Variants in TBC1D5 observed in about 807,000 individuals in gnomAD.
The protein encoded by TBC1D5 is TBC1 domain family member 5.
TBC1D5 carries 75 observed loss-of-function variants against 100.3 expected under a neutral mutation model. That is an observed-to-expected ratio of 0.75 (90% CI 0.62 to 0.91). The LOEUF is 0.91. TBC1D5 is among the 40% of genes least tolerant of loss of function. The probability of loss-of-function intolerance (pLI) is 0.00; values close to 1 mark genes in which losing one functional copy is unlikely to be tolerated. For missense variants in TBC1D5, 910 were observed against 942.4 expected (o/e 0.97, Z 0.45); for synonymous variants, 323 against 325.6 (o/e 0.99, Z 0.09).
intron 2 of TBC1D5, among the ~76,000 whole-genome samples, chr3:17,558,353 T>C (rs1448699766): frequency 6.6e-6 from 1 of 152,152 alleles, no homozygotes; most frequent in Non-Finnish European, 1.5e-5. Context: ...TTAATAGTAA[T>C]AATTGCCAAG....
chr3:17,526,521 A>C (rs1189161796), intron 2 of TBC1D5, among the ~76,000 whole-genome samples: 1 of 152,202 alleles, frequency 6.6e-6, no homozygotes, highest in African/African-American at 2.4e-5. Context: ...CTGGTGATTT[A>C]GTCAACATTA....
At chr3:17,462,206 G>A (rs776059714) in intron 3 of TBC1D5, among the ~76,000 whole-genome samples, 19 of 151,726 alleles carry the variant, frequency 1.3e-4, no homozygotes, top group Non-Finnish European at 2.5e-4. Flanking sequence ...TTTATTCATT[G>A]TTAAGGTCTG....
intron 2 of TBC1D5, among the ~76,000 whole-genome samples, chr3:17,566,529 T>C (rs991285420): frequency 6.6e-6 from 1 of 151,992 alleles, no homozygotes; most frequent in African/African-American, 2.4e-5. Flanking sequence ...TATAAAACAC[T>C]GATCATCAAT....
chr3:17,213,382 C>T (rs1018608145), intron 18 of TBC1D5, among the ~76,000 whole-genome samples: 13 of 152,110 alleles, frequency 8.5e-5, no homozygotes, highest in African/African-American at 1.9e-4. Flanking sequence ...TGTGGTTAAA[C>T]GTGAAGTTGG....
rs112006591 is a variant in TBC1D5, at chr3:17,313,366, C to T, written c.996-5232G>A. On this transcript the variant is annotated intron_variant, in intron 13 of 21. Transcript: ENST00000253692. ...ACGTTGGGAAAACGAATTTTAGGCT[C>T]CATGAAAACTGTTTTTTATTCATAC... Among the ~76,000 whole-genome samples the T allele has an allele frequency of 5.5e-3, 834 of 152,180 alleles. 3 individuals are homozygous for T. Among genetic ancestry groups the T allele is most frequent in the Middle Eastern group, 0.017 (5 of 294 alleles).
intron 4 of TBC1D5, among the ~76,000 whole-genome samples, chr3:17,420,353 A>T (rs1315441945): frequency 6.6e-6 from 1 of 152,146 alleles, no homozygotes; most frequent in African/African-American, 2.4e-5. Context: ...AAAATAGGCA[A>T]ATGTTAAATA....
intron 16 of TBC1D5, among the ~76,000 whole-genome samples, chr3:17,242,207 A>C (rs148721549): frequency 9.7e-4 from 148 of 152,244 alleles, no homozygotes; most frequent in African/African-American, 3.5e-3. Flanking sequence ...CATTTCTATA[A>C]ACTTTCTGAA....
chr3:17,689,462 T>C (rs1247904997), intron 1 of TBC1D5, among the ~76,000 whole-genome samples: 4 of 141,988 alleles, frequency 2.8e-5, no homozygotes, highest in Non-Finnish European at 6.0e-5. Context: ...TCGCTTGAGT[T>C]GGGAAGGTCA....
intron 17 of TBC1D5, among the ~76,000 whole-genome samples, chr3:17,217,393 AG>A (rs1265681638): frequency 3.9e-5 from 6 of 152,158 alleles, no homozygotes; most frequent in Non-Finnish European, 7.4e-5. Context: ...GTAGATATCT[AG>A]AAGTGGAACT....
At chr3:17,202,928 G>A (rs2071653020) in intron 18 of TBC1D5, among the ~76,000 whole-genome samples, 1 of 152,216 alleles carries the variant, frequency 6.6e-6, no homozygotes, top group African/African-American at 2.4e-5. Flanking sequence ...GGGAAATGTG[G>A]GATTGGAGCC....
At chr3:17,266,503 T>C (rs1247888877) in intron 15 of TBC1D5, among the ~76,000 whole-genome samples, 2 of 152,192 alleles carry the variant, frequency 1.3e-5, no homozygotes, top group Non-Finnish European at 2.9e-5. Context: ...TATTGAGCTG[T>C]ACCTTCCTGA....
At chr3:17,678,953 T>C (rs931981019) in intron 1 of TBC1D5, among the ~76,000 whole-genome samples, 3 of 151,204 alleles carry the variant, frequency 2.0e-5, no homozygotes, top group African/African-American at 7.4e-5. Context: ...ATGAAGCCTT[T>C]AATATCTAAA....
Position 17,663,034 on chromosome 3 carries a change from G to A in TBC1D5, c.-100-39121C>T, listed in dbSNP as rs570455506. 8 of 152,238 alleles carry A rather than the reference G, an allele frequency of 5.3e-5. No individual in the cohort carries two copies. In the East Asian group the frequency reaches 1.5e-3, roughly 29 times the overall value. The allele number at this position is 152,238 out of a possible 1,614,324, so 9.4% of individuals were successfully genotyped here. On this transcript the variant is annotated intron_variant, in intron 1 of 21. Transcript: ENST00000253692. ...CACAGATGCAGAAGCTGAGACTCAA[G>A]GTCGCAGTCAGCTGCAAGCAGTTCC...
intron 2 of TBC1D5, among the ~76,000 whole-genome samples, chr3:17,565,738 GTTC>G (rs1253838347): frequency 6.6e-6 from 1 of 152,008 alleles, no homozygotes; most frequent in Non-Finnish European, 1.5e-5. Flanking sequence ...TGCTTTTAGT[GTTC>G]TTCTTTTGAA....
intron 2 of TBC1D5, among the ~76,000 whole-genome samples, chr3:17,548,508 C>T (rs536293342): frequency 3.9e-5 from 6 of 152,182 alleles, no homozygotes; most frequent in African/African-American, 1.4e-4. Flanking sequence ...GCATCTTCTA[C>T]CCAAAAGGAA....
chr3:17,227,911 G>C (rs2075067768), intron 17 of TBC1D5, among the ~76,000 whole-genome samples: 1 of 148,532 alleles, frequency 6.7e-6, no homozygotes, highest in Non-Finnish European at 1.5e-5. Flanking sequence ...CATGAGCTTA[G>C]TTTCCCTCTT....
At chr3:17,538,386 A>C (rs1444641008) in intron 2 of TBC1D5, among the ~76,000 whole-genome samples, 1 of 152,160 alleles carries the variant, frequency 6.6e-6, no homozygotes, top group East Asian at 1.9e-4. Context: ...AGGTAAGGGA[A>C]AAACTCCTCA....
At chr3:17,295,609 A>C (rs2082169379) in intron 14 of TBC1D5, among the ~76,000 whole-genome samples, 1 of 152,242 alleles carries the variant, frequency 6.6e-6, no homozygotes, top group Non-Finnish European at 1.5e-5. Flanking sequence ...TGGATCAATA[A>C]CTTACACATA....
At chr3:17,276,597 T>C (rs2080037649) in intron 15 of TBC1D5, among the ~76,000 whole-genome samples, 1 of 152,174 alleles carries the variant, frequency 6.6e-6, no homozygotes, top group Non-Finnish European at 1.5e-5. Context: ...TCTCAGGATG[T>C]AAGATTGAGG....
Sources: gnomAD v4.1 joint callset for allele counts (sites outside exome capture counted in the v4.1 genomes callset) on GRCh38, gnomAD v4.1.1 for gene constraint, MANE v1.5 for transcripts, NCBI Gene and HGNC (gene_info 2026-07-23, HGNC 2026-07-21) for gene names.